The following PLD5 variants were observed in gnomAD, a reference collection of about 807,000 sequenced individuals.
PLD5 encodes the protein inactive phospholipase D5.
A neutral mutation model predicts 61.1 loss-of-function variants in PLD5; 36 were observed. The ratio of observed to expected loss-of-function variants is 0.59; its 90% CI spans 0.45 to 0.78. PLD5 has a LOEUF of 0.78. Ranked by LOEUF, PLD5 falls within the 30% of genes least tolerant of loss-of-function variation. The probability of loss-of-function intolerance (pLI) is 0.00; values close to 1 mark genes in which losing one functional copy is unlikely to be tolerated. For synonymous variants in PLD5, 243 were observed against 242.8 expected (o/e 1.00, Z -0.01); for missense variants, 515 against 644.4 (o/e 0.80, Z 2.17).
At chr1:242,336,289 T>C (rs1659505420) in intron 2 of PLD5, among the ~76,000 whole-genome samples, 1 of 152,146 alleles carries the variant, frequency 6.6e-6, no homozygotes, top group Admixed American at 6.5e-5. Context: ...CACCTAGCAA[T>C]TCCATTTCTA....
At chr1:242,353,948 G>A (rs558989672) in intron 1 of PLD5, among the ~76,000 whole-genome samples, 2 of 150,498 alleles carry the variant, frequency 1.3e-5, no homozygotes, top group African/African-American at 4.9e-5. Flanking sequence ...ATTTTTCCAT[G>A]TTGATTTCAT....
chr1:242,490,993 A>G (rs1379728771), intron 1 of PLD5, among the ~76,000 whole-genome samples: 3 of 152,058 alleles, frequency 2.0e-5, no homozygotes, highest in African/African-American at 4.8e-5. Flanking sequence ...CCCCACATAT[A>G]CCTTTGGGAC....
chr1:242,481,673 G>C lies in PLD5; in HGVS notation c.189+42415C>G, dbSNP rs112758416. ...ACAAAAGGCAGCAGAAACGTCTGCA[G>C]ACTTAAATGTCCCTGTTTGACAGCT... is the stretch of plus-strand genomic sequence containing the variant. On this transcript the variant is annotated intron_variant, in intron 1 of 9. Coordinates refer to ENST00000536534, the MANE Select transcript of PLD5 (RefSeq NM_001372062.1). Among the ~76,000 whole-genome samples the C allele has an allele frequency of 3.5e-4, 53 of 152,350 alleles. 1 individual carries two copies. The highest frequency in any genetic ancestry group is 1.2e-3 in the African/African-American group (50 of 41,588).
chr1:242,182,329 G>A (rs390710), intron 5 of PLD5, among the ~76,000 whole-genome samples: 115,204 of 152,030 alleles, frequency 0.76, 43,791 homozygotes, highest in South Asian at 0.88. Flanking sequence ...TTTTTTTTTA[G>A]TTTCTCCAGA....
intron 2 of PLD5, among the ~76,000 whole-genome samples, chr1:242,320,721 A>G (rs1188689359): frequency 6.6e-6 from 1 of 152,050 alleles, no homozygotes; most frequent in Non-Finnish European, 1.5e-5. Flanking sequence ...CTTAGCATCA[A>G]CCTCGGTGAC....
At chr1:242,241,991 C>CTATATATATA (rs71579089) in intron 4 of PLD5, among the ~76,000 whole-genome samples, 18 of 115,316 alleles carry the variant, frequency 1.6e-4, no homozygotes, top group African/African-American at 5.3e-4. Flanking sequence ...TATATACTTA[C>CTATATATATA]TATATATATA....
At chr1:242,244,997 T>C (rs12040225) in intron 4 of PLD5, among the ~76,000 whole-genome samples, 30,826 of 152,154 alleles carry the variant, frequency 0.2, 3,537 homozygotes, top group East Asian at 0.37. Context: ...AACTAAATCA[T>C]TTAAAACTCC....
chr1:242,410,599 C>G (rs2149288196), intron 1 of PLD5, among the ~76,000 whole-genome samples: 1 of 152,034 alleles, frequency 6.6e-6, no homozygotes, highest in Non-Finnish European at 1.5e-5. Context: ...TAAAGAGAGT[C>G]TAATAAATCC....
intron 1 of PLD5, among the ~76,000 whole-genome samples, chr1:242,451,459 C>CTTTTTTTT (rs398038597): frequency 3.5e-5 from 4 of 115,138 alleles, no homozygotes; most frequent in Non-Finnish European, 3.5e-5. Flanking sequence ...GTATCAAATT[C>CTTTTTTTT]TTTTTTTTTT....
At chr1:242,246,298 C>T (rs914348125) in intron 4 of PLD5, among the ~76,000 whole-genome samples, 1 of 152,054 alleles carries the variant, frequency 6.6e-6, no homozygotes, top group Non-Finnish European at 1.5e-5. Flanking sequence ...CCCAGGAATT[C>T]ACGGCTGCAG....
At chr1:242,365,190 T>C (rs1306571682) in intron 1 of PLD5, 2 of 152,236 alleles carry the variant, frequency 1.3e-5, no homozygotes, top group African/African-American at 2.4e-5. Flanking sequence ...TGAGGAGCCA[T>C]GAGCAGTAAA....
intron 2 of PLD5, among the ~76,000 whole-genome samples, chr1:242,301,765 C>CATTATTATTATTATT (rs543604489): frequency 0.14 from 19,204 of 140,748 alleles, 1,565 homozygotes; most frequent in African/African-American, 0.21. Context: ...TTTTTTAAAA[C>CATTATTATTATTATT]ATTATTATTA....
chr1:242,391,725 C>A (rs1370384977), intron 1 of PLD5, among the ~76,000 whole-genome samples: 1 of 152,078 alleles, frequency 6.6e-6, no homozygotes, highest in East Asian at 1.9e-4. Context: ...TAATCAGATG[C>A]CAGGGCACAC....
At chr1:242,241,312 G>A (rs1671987960) in intron 4 of PLD5, among the ~76,000 whole-genome samples, 1 of 152,128 alleles carries the variant, frequency 6.6e-6, no homozygotes. Flanking sequence ...TATTGAAAAA[G>A]CCCTGCTGAT....
chr1:242,281,770 C>T (rs1674733252), intron 3 of PLD5, among the ~76,000 whole-genome samples: 1 of 152,088 alleles, frequency 6.6e-6, no homozygotes, highest in Non-Finnish European at 1.5e-5. Context: ...AGCTGAAGTG[C>T]CCCCTGCTTC....
At chr1:242,207,842 T>A (rs1306663143) in intron 5 of PLD5, among the ~76,000 whole-genome samples, 17 of 21,362 alleles carry the variant, frequency 8.0e-4, no homozygotes, top group African/African-American at 1.3e-3. Flanking sequence ...ATTTATATAT[T>A]TATATATATT....
At chr1:242,389,164 A>G (rs1311480890) in intron 1 of PLD5, among the ~76,000 whole-genome samples, 3 of 152,126 alleles carry the variant, frequency 2.0e-5, no homozygotes, top group African/African-American at 7.2e-5. Flanking sequence ...AATTCTGTGA[A>G]ACTGCAAGCC....
chr1:242,351,048 T>C (rs1377568526), intron 1 of PLD5, among the ~76,000 whole-genome samples: 1 of 151,966 alleles, frequency 6.6e-6, no homozygotes, highest in Non-Finnish European at 1.5e-5. Flanking sequence ...TTACAGGCAT[T>C]GCACCACTAC....
intron 4 of PLD5, 73 bp from the exon 5 acceptor site, chr1:242,220,188 G>C (rs1175069080): frequency 3.2e-6 from 5 of 1,553,584 alleles, no homozygotes; most frequent in Non-Finnish European, 4.4e-6. Flanking sequence ...CCTACCAGTG[G>C]AAATATTCAT....
Sources: gnomAD v4.1 joint callset for allele counts (sites outside exome capture counted in the v4.1 genomes callset) on GRCh38, gnomAD v4.1.1 for gene constraint, MANE v1.5 for transcripts, NCBI Gene and HGNC (gene_info 2026-07-23, HGNC 2026-07-21) for gene names.